The following CELF5 variants were observed in gnomAD, a reference collection of about 807,000 sequenced individuals.
CELF5 encodes the protein CUG-BP and ETR-3 like factor 5.
In CELF5, 6 loss-of-function variants were observed where a neutral mutation model predicts 54.9. That is an observed-to-expected ratio of 0.11 (90% CI 0.06 to 0.22). The LOEUF is 0.22. CELF5 is among the 10% of genes least tolerant of loss of function. The probability of loss-of-function intolerance (pLI) is 1.00; values close to 1 mark genes in which losing one functional copy is unlikely to be tolerated. For missense variants in CELF5, 401 were observed against 678.6 expected (o/e 0.59, Z 4.54); for synonymous variants, 271 against 290.9 (o/e 0.93, Z 0.70).
At chr19:3,245,364 G>T (rs1463893857) in intron 1 of CELF5, among the ~76,000 whole-genome samples, 3 of 145,532 alleles carry the variant, frequency 2.1e-5, no homozygotes, top group Non-Finnish European at 4.5e-5. Context: ...GCATCTGTGT[G>T]TGTGTGCGTG....
intron 2 of CELF5, among the ~76,000 whole-genome samples, chr19:3,257,193 TG>T (rs1434594001): frequency 6.6e-6 from 1 of 152,176 alleles, no homozygotes; most frequent in Non-Finnish European, 1.5e-5. Context: ...GTGCACTCTC[TG>T]CAGGAAGGGC....
At chr19:3,286,315 A>G (rs1238918765) in intron 10 of CELF5, 8 of 412,776 alleles carry the variant, frequency 1.9e-5, no homozygotes, top group Non-Finnish European at 1.7e-5. Context: ...TTTTTTGGAA[A>G]GGAAACCCTT....
chr19:3,286,067 C>T (rs772267249), intron 10 of CELF5, 42 bp downstream of exon 10: 2 of 1,468,064 alleles, frequency 1.4e-6, no homozygotes, highest in South Asian at 1.3e-5. Context: ...GCCCCGCCCT[C>T]TGCCCGCCCT....
chr19:3,233,760 T>C (rs1350968297), intron 1 of CELF5, among the ~76,000 whole-genome samples: 2 of 152,026 alleles, frequency 1.3e-5, no homozygotes, highest in Non-Finnish European at 2.9e-5. Context: ...GACTTTGGTT[T>C]TTACCCCAAG....
At chr19:3,247,019 A>G (rs1166931625) in intron 1 of CELF5, among the ~76,000 whole-genome samples, 2 of 152,200 alleles carry the variant, frequency 1.3e-5, no homozygotes, top group African/African-American at 4.8e-5. Flanking sequence ...TGGTGGGGAC[A>G]CCATCGTGAA....
At chr19:3,236,552 G>A (rs909349001) in intron 1 of CELF5, among the ~76,000 whole-genome samples, 58 of 152,192 alleles carry the variant, frequency 3.8e-4, no homozygotes, top group African/African-American at 1.4e-3. Context: ...ATGGGAGGGG[G>A]GTTCCTGGCT....
At chr19:3,249,787 G>A (rs1011966257) in intron 1 of CELF5, among the ~76,000 whole-genome samples, 1 of 152,194 alleles carries the variant, frequency 6.6e-6, no homozygotes, top group Non-Finnish European at 1.5e-5. Context: ...CAGAGAGGGG[G>A]AGCGCATGAT....
In CELF5 at chr19:3,282,528, G is replaced by T; in HGVS notation, c.1039+30G>T. 1 of 1,595,426 alleles carries T rather than the reference G, an allele frequency of 6.3e-7. No homozygotes were observed. On this transcript the variant is annotated intron_variant, in intron 8 of 12. Coordinates refer to ENST00000292672, the MANE Select transcript of CELF5 (RefSeq NM_021938.4). This position sits in a 1 kb window ranked among gnomAD's most constrained non-coding sequence, Gnocchi z 5.2. ...ATTGGGGTCGTCCTCTGGGGCCTAG[G>T]AGAGTGGTGGGGAATAAAGATGGTG...
chr19:3,237,964 G>T (rs2079440172), intron 1 of CELF5, among the ~76,000 whole-genome samples: 1 of 152,128 alleles, frequency 6.6e-6, no homozygotes, highest in South Asian at 2.1e-4. Context: ...CAGGAGAATG[G>T]CGTGAACCCA....
At chr19:3,247,757 C>G (rs942221126) in intron 1 of CELF5, among the ~76,000 whole-genome samples, 3 of 151,342 alleles carry the variant, frequency 2.0e-5, no homozygotes, top group African/African-American at 7.3e-5. Flanking sequence ...TGAAATGTAC[C>G]GTTAAAAAAT....
intron 1 of CELF5, among the ~76,000 whole-genome samples, chr19:3,250,054 G>A (rs1430636265): frequency 6.6e-6 from 1 of 152,158 alleles, no homozygotes; most frequent in East Asian, 1.9e-4. Context: ...TGTGTGCAGG[G>A]GTGGAACGGG....
intron 11 of CELF5, among the ~76,000 whole-genome samples, chr19:3,291,974 T>G (rs1458378576): frequency 1.3e-5 from 2 of 152,138 alleles, no homozygotes; most frequent in African/African-American, 4.8e-5. Flanking sequence ...GAGGCAGAGC[T>G]TCACTCTTGT....
In CELF5 at chr19:3,235,486, G is replaced by A. The variant is rs114169571; in HGVS notation, c.259+10488G>A. 1.7e-3 allele frequency among the ~76,000 whole-genome samples: 184 copies of A among 105,404 alleles called. 7 individuals are homozygous for A. The highest frequency in any genetic ancestry group is 6.6e-3 in the African/African-American group (179 of 26,970). The allele number at this position is 105,404 out of a possible 152,430, so 69.1% of individuals were successfully genotyped here. A position where few individuals can be genotyped will look rare whatever the true frequency, so the allele number is the denominator to read the frequency against. On this transcript the variant is annotated intron_variant, in intron 1 of 12. Transcript: ENST00000292672. Reference sequence around the variant, plus strand: ...TAAAAGAGTGCTTTGAACATCACGCGAGGATAGATGGGTGGGTGGGTGGAT... The same window carrying A: ...TAAAAGAGTGCTTTGAACATCACGCAAGGATAGATGGGTGGGTGGGTGGAT...
chr19:3,251,655 T>C (rs113442641), intron 2 of CELF5, among the ~76,000 whole-genome samples: 14 of 119,988 alleles, frequency 1.2e-4, no homozygotes, highest in African/African-American at 3.1e-4. Context: ...AGGGCTTCTT[T>C]TTTTTTTTTT....
chr19:3,284,692 C>T, intron 8 of CELF5: 1 of 583,136 alleles, frequency 1.7e-6, no homozygotes. Context: ...AACCCGGATT[C>T]CAGTTCAGCT....
chr19:3,284,865 T>C (rs772390083), intron 8 of CELF5, 37 bp from the exon 9 acceptor site: 2 of 1,599,112 alleles, frequency 1.3e-6, no homozygotes, highest in Admixed American at 1.7e-5. Flanking sequence ...AGACTTCTGC[T>C]GCTCCCGCCC....
intron 1 of CELF5, among the ~76,000 whole-genome samples, chr19:3,240,352 G>T (rs891977107): frequency 1.3e-5 from 2 of 150,658 alleles, no homozygotes; most frequent in East Asian, 2.0e-4. Context: ...TTGAGATGGG[G>T]TCTCACTCTG....
At chr19:3,239,595 A>G (rs186555287) in intron 1 of CELF5, among the ~76,000 whole-genome samples, 2 of 150,798 alleles carry the variant, frequency 1.3e-5, no homozygotes, top group Admixed American at 1.3e-4. Flanking sequence ...CTCAGGATGG[A>G]TGTAGCTCTT....
chr19:3,253,430 C>T (rs556174510), intron 2 of CELF5, among the ~76,000 whole-genome samples: 1 of 152,244 alleles, frequency 6.6e-6, no homozygotes, highest in South Asian at 2.1e-4. Flanking sequence ...AGTGACTGTT[C>T]AGGAGGCCTC....
Sources: gnomAD v4.1 joint callset for allele counts (sites outside exome capture counted in the v4.1 genomes callset) on GRCh38, gnomAD v4.1.1 for gene constraint, Gnocchi (gnomAD v3.1) non-coding constraint, MANE v1.5 for transcripts, NCBI Gene and HGNC (gene_info 2026-07-23, HGNC 2026-07-21) for gene names.